Variants in ZNRF3 observed in about 807,000 individuals in gnomAD.
ZNRF3 encodes zinc and ring finger 3, also known as E3 ubiquitin-protein ligase ZNRF3.
ZNRF3 carries 23 observed loss-of-function variants against 72.5 expected under a neutral mutation model. The ratio of observed to expected loss-of-function variants is 0.32; its 90% confidence interval spans 0.23 to 0.45. ZNRF3 has a LOEUF of 0.45. ZNRF3 is among the 20% of genes least tolerant of loss of function. The probability of loss-of-function intolerance (pLI) is 1.00; values close to 1 mark genes in which losing one functional copy is unlikely to be tolerated. For synonymous variants in ZNRF3, 610 were observed against 545.3 expected (o/e 1.12, Z -1.65); for missense variants, 1,169 against 1,272.1 (o/e 0.92, Z 1.23).
chr22:29,006,214 T>TTTC (rs1491573453), intron 2 of ZNRF3, among the ~76,000 whole-genome samples: 23 of 1,006 alleles, frequency 0.023, no homozygotes, highest in Admixed American at 0.12. Flanking sequence ...CATCCGTTTC[T>TTTC]TTTTTTTTTT....
Position 28,895,595 on chromosome 22 carries a change from T to A in ZNRF3, c.300+11529T>A, listed in dbSNP as rs367547871. 9.2e-5 allele frequency among the ~76,000 whole-genome samples: 14 copies of A among 152,068 alleles called. No homozygotes were observed. In the East Asian group the frequency reaches 1.8e-3, roughly 19 times the overall value. ...GGCAGGAGAATGGCATGAACCTGGGTGGCGGAGCTTACAGTGAGCCGAGAT... is the reference window on the plus strand; with the variant it reads ...GGCAGGAGAATGGCATGAACCTGGGAGGCGGAGCTTACAGTGAGCCGAGAT... On this transcript the variant is annotated intron_variant, in intron 1 of 8. Transcript: ENST00000544604.
chr22:28,895,897 A>T (rs1259941912), intron 1 of ZNRF3, among the ~76,000 whole-genome samples: 3 of 152,156 alleles, frequency 2.0e-5, no homozygotes, highest in Admixed American at 2.0e-4. Flanking sequence ...ACAGTATCTT[A>T]GTTCATCCTC....
intron 1 of ZNRF3, among the ~76,000 whole-genome samples, chr22:28,892,891 G>T (rs905692234): frequency 6.6e-6 from 1 of 152,128 alleles, no homozygotes; most frequent in Non-Finnish European, 1.5e-5. Context: ...TAAAAGAGCC[G>T]GCGCGGTGGC....
At chr22:28,892,029 C>T (rs2033896967) in intron 1 of ZNRF3, among the ~76,000 whole-genome samples, 1 of 152,204 alleles carries the variant, frequency 6.6e-6, no homozygotes, top group Non-Finnish European at 1.5e-5. Context: ...AGACACACCT[C>T]CTTCCTGTGG....
intron 1 of ZNRF3, among the ~76,000 whole-genome samples, chr22:28,939,572 C>A (rs2034905540): frequency 6.6e-6 from 1 of 152,096 alleles, no homozygotes; most frequent in Admixed American, 6.5e-5. Context: ...ATCCCCTGTG[C>A]CCTCAGTCTT....
chr22:28,930,224 G>A (rs1005332986), intron 1 of ZNRF3, among the ~76,000 whole-genome samples: 2 of 151,866 alleles, frequency 1.3e-5, no homozygotes, highest in Non-Finnish European at 2.9e-5. Flanking sequence ...TATTTTCATA[G>A]AATAAAATAG....
At chr22:29,020,761 TTTTGTGTGTGTGTGGGTGTGTGTG>T (rs1239440633) in intron 2 of ZNRF3, among the ~76,000 whole-genome samples, 83 of 42,982 alleles carry the variant, frequency 1.9e-3, no homozygotes, top group African/African-American at 5.7e-3. Context: ...GGGGCTTTGT[TTTTGTGTGTGTGTGGGTGTGTGTG>T]TGTGTGTGTG....
intron 2 of ZNRF3, among the ~76,000 whole-genome samples, chr22:29,007,557 G>A (rs567131611): frequency 1.2e-3 from 178 of 151,976 alleles, no homozygotes; most frequent in Non-Finnish European, 2.1e-3. Context: ...CAAGAGGATC[G>A]TTTGAGGCTG....
chr22:28,971,662 A>G (rs2035578220), intron 1 of ZNRF3, among the ~76,000 whole-genome samples: 1 of 152,204 alleles, frequency 6.6e-6, no homozygotes, highest in African/African-American at 2.4e-5. Context: ...AAATAAAGTA[A>G]TTGCCTGGAG....
chr22:29,037,008 T>C (rs2036878591), intron 2 of ZNRF3, among the ~76,000 whole-genome samples: 1 of 152,216 alleles, frequency 6.6e-6, no homozygotes, highest in Non-Finnish European at 1.5e-5. Context: ...ACAGTCCAGC[T>C]TCCTTGGTTA....
Position 28,896,522 on chromosome 22 carries a change from C to A in ZNRF3, c.300+12456C>A, listed in dbSNP as rs2034002963. Among the ~76,000 whole-genome samples, 4 of 152,238 alleles carry A rather than the reference C, an allele frequency of 2.6e-5. No homozygotes were observed. The South Asian group carries it at 8.3e-4, about 31-fold the overall frequency. The stretch of plus-strand genomic sequence containing the variant: ...CAAGTGATCTGTCTGCCTCAGCCTC[C>A]CAAAGTGTTGGGATTACAGGCGTGA... On this transcript the variant is annotated intron_variant, in intron 1 of 8. Coordinates refer to ENST00000544604, the MANE Select transcript of ZNRF3 (RefSeq NM_001206998.2).
intron 2 of ZNRF3, among the ~76,000 whole-genome samples, chr22:28,993,919 T>C (rs147799338): frequency 2.4e-4 from 37 of 152,248 alleles, no homozygotes; most frequent in African/African-American, 8.9e-4. Flanking sequence ...ACTCAAGCGA[T>C]CCTCCTGCCT....
At chr22:28,897,305 T>G (rs1041030964) in intron 1 of ZNRF3, among the ~76,000 whole-genome samples, 1 of 152,094 alleles carries the variant, frequency 6.6e-6, no homozygotes, top group Non-Finnish European at 1.5e-5. Flanking sequence ...CCTCTCTCAG[T>G]GCTTTTCTTT....
chr22:28,982,534 C>T (rs138626154), intron 1 of ZNRF3, among the ~76,000 whole-genome samples: 1,784 of 148,562 alleles, frequency 0.012, 13 homozygotes, highest in Non-Finnish European at 0.019. Flanking sequence ...CCACTGCACT[C>T]TCATCTGGGT....
At chr22:29,015,714 G>A (rs183646957) in intron 2 of ZNRF3, among the ~76,000 whole-genome samples, 34 of 151,098 alleles carry the variant, frequency 2.3e-4, no homozygotes, top group East Asian at 1.2e-3. Flanking sequence ...TCCCTCTCCC[G>A]TGGTTTTAGG....
intron 1 of ZNRF3, among the ~76,000 whole-genome samples, chr22:28,937,203 ATATATATATATATTT>A (rs1292977412): frequency 0.012 from 112 of 9,436 alleles, no homozygotes; most frequent in African/African-American, 0.04. Context: ...ATATATATAT[ATATATATATATATTT>A]TTTTTTTTTT....
Position 29,046,794 on chromosome 22 carries a change from C to T in ZNRF3, c.823C>T (p.Arg275Trp), listed in dbSNP as rs374148116. 6.8e-6 allele frequency: 11 copies of T among 1,611,624 alleles called. No homozygotes were observed. The African/African-American group carries it at 8.0e-5, about 12-fold the overall frequency. Residue 275 changes from arginine to tryptophan, a missense_variant, in exon 6 of 9, where the codon CGG becomes TGG. Around this residue, in one of 2 missense-constraint regions of ZNRF3, gnomAD observed 386 missense variants for 540.7 expected, o/e 0.71. Coordinates refer to ENST00000544604, the MANE Select transcript of ZNRF3 (RefSeq NM_001206998.2). ...RKFNSKSKGR[R>W]EGSCGALDTL... Reference sequence around the variant, plus strand: ...GTTCAACTCCAAGAGCAAGGGGCGCCGGGAGGGGAGCTGTGGGGCCCTGGA... The same window carrying T: ...GTTCAACTCCAAGAGCAAGGGGCGCTGGGAGGGGAGCTGTGGGGCCCTGGA...
chr22:29,041,230 C>T (rs1299355991), intron 2 of ZNRF3, among the ~76,000 whole-genome samples: 1 of 152,186 alleles, frequency 6.6e-6, no homozygotes, highest in East Asian at 1.9e-4. Context: ...CCAACCTCTA[C>T]CTCTTGGGCT....
chr22:28,942,626 A>G (rs933389955), intron 1 of ZNRF3, among the ~76,000 whole-genome samples: 6 of 152,174 alleles, frequency 3.9e-5, no homozygotes, highest in African/African-American at 1.4e-4. Flanking sequence ...TTACCCTGGA[A>G]TCCTGTATGA....
Sources: gnomAD v4.1 joint callset for allele counts (sites outside exome capture counted in the v4.1 genomes callset) on GRCh38, gnomAD v4.1.1 for gene constraint, gnomAD v4.1.1 regional missense constraint, MANE v1.5 for transcripts, NCBI Gene and HGNC (gene_info 2026-07-23, HGNC 2026-07-21) for gene names.